The following OTP variants were observed in gnomAD, a reference collection of about 807,000 sequenced individuals.
The protein encoded by OTP is homeobox protein orthopedia.
OTP carries 5 observed loss-of-function variants against 22.3 expected under a neutral mutation model. The ratio of observed to expected loss-of-function variants is 0.22; its 90% CI spans 0.12 to 0.47. OTP has a LOEUF of 0.47. Ranked by LOEUF, OTP falls within the 20% of genes least tolerant of loss-of-function variation. The pLI is 0.99. For synonymous variants in OTP, 229 were observed against 210.6 expected (o/e 1.09, Z -0.76); for missense variants, 428 against 456.2 (o/e 0.94, Z 0.56).
chr5:77,631,140 A>T (rs1744923329), intron 2 of OTP, among the ~76,000 whole-genome samples: 1 of 152,262 alleles, frequency 6.6e-6, no homozygotes, highest in South Asian at 2.1e-4. Flanking sequence ...GCAGTCAGGC[A>T]TGTGTCAAAG....
chr5:77,632,832 GGT>G (rs1744951604), intron 2 of OTP, among the ~76,000 whole-genome samples: 1 of 152,148 alleles, frequency 6.6e-6, no homozygotes, highest in African/African-American at 2.4e-5. Flanking sequence ...GGCTCTAGAT[GGT>G]GAGTGGGATC....
Position 77,637,236 on chromosome 5 carries a change from G to A in OTP, c.38-6C>T. 3.4e-6 allele frequency: 5 copies of A among 1,483,376 alleles called. No homozygotes were observed. Among genetic ancestry groups the A allele is most frequent in the Non-Finnish European group, 4.5e-6 (5 of 1,117,542 alleles). 91.9% of individuals were successfully genotyped at this position (1,483,376 alleles called of 1,614,324 possible). ...CTCGGCGGCATCTTTCATACCTGAGGAGGCAAGGGGATCGCGGTCACTACT... is the reference window on the plus strand; with the variant it reads ...CTCGGCGGCATCTTTCATACCTGAGAAGGCAAGGGGATCGCGGTCACTACT... On this transcript the variant is annotated splice_polypyrimidine_tract_variant and splice_region_variant and intron_variant, in intron 1 of 2. Coordinates refer to ENST00000306422, the MANE Select transcript of OTP (RefSeq NM_032109.3).
chr5:77,635,475 A>T (rs1744992828), intron 2 of OTP, among the ~76,000 whole-genome samples: 1 of 152,210 alleles, frequency 6.6e-6, no homozygotes, highest in African/African-American at 2.4e-5. Flanking sequence ...ATATTGTATA[A>T]AAATGCTAAT....
At chr5:77,630,859 G>C in intron 2 of OTP, 65 bp from the exon 3 acceptor site, 2 of 1,449,352 alleles carry the variant, frequency 1.4e-6, no homozygotes, top group South Asian at 1.4e-5. Flanking sequence ...GGGGAGTTGG[G>C]GCTTGAGCCC....
In OTP at chr5:77,636,957, T is replaced by G; in HGVS notation, c.311A>C (p.Gln104Pro). Residue 104 changes from glutamine to proline, a missense_variant, in exon 2 of 3, where the codon CAG (glutamine) becomes CCG (proline). Coordinates refer to ENST00000306422, the MANE Select transcript of OTP (RefSeq NM_032109.3). ...QAGQQQGQQKQKRHRTRFTPA... is the reference protein window; with the variant it reads ...QAGQQQGQQKPKRHRTRFTPA... ...GGTGAAGCGCGTCCGGTGGCGCTTC[T>G]GCTTCTGTTGGCCCTGCTGCTGGCC... The G allele has an allele frequency of 1.9e-6, 3 of 1,614,172 alleles. No homozygotes were observed. The highest frequency in any genetic ancestry group is 1.1e-5 in the South Asian group (1 of 91,086).
chr5:77,631,013 C>T (rs1744920970), intron 2 of OTP, among the ~76,000 whole-genome samples: 1 of 152,250 alleles, frequency 6.6e-6, no homozygotes, highest in Admixed American at 6.5e-5. Context: ...AGCGCGGAGT[C>T]CTGCGCTCCT....
chr5:77,630,414 C>A lies in OTP; in HGVS notation c.828G>T (p.Met276Ile). The A allele has an allele frequency of 6.3e-7, 1 of 1,582,096 alleles. No homozygotes were observed. The highest frequency in any genetic ancestry group is 8.6e-7 in the Non-Finnish European group (1 of 1,166,576). Residue 276 changes from methionine to isoleucine, a missense_variant, in exon 3 of 3, where the codon ATG (methionine) becomes ATT (isoleucine). By Grantham distance (10) the Met-to-Ile change is conservative. Coordinates refer to ENST00000306422, the MANE Select transcript of OTP (RefSeq NM_032109.3). ...TGGGGCCGGGGAGGGAGGCGGGCAC[C>A]ATGCCGGGGAAGGCGGGCTGGTAGA... ...SHLYQPAFPG[M>I]VPASLPGPSN...
At chr5:77,636,558 A>C in intron 2 of OTP, 1 of 406,582 alleles carries the variant, frequency 2.5e-6, no homozygotes, top group Non-Finnish European at 4.4e-6. Context: ...CGAACCCTGT[A>C]GCCCGACAAC....
intron 2 of OTP, chr5:77,636,184 G>A (rs1745004261): frequency 6.6e-6 from 1 of 152,098 alleles, no homozygotes; most frequent in Admixed American, 6.5e-5. Flanking sequence ...AACAAAACGG[G>A]GCTCACCGGC....
At position 77,629,336 on chromosome 5, in the gene OTP, T is replaced by G. The variant is rs1744879957; in HGVS notation, c.*928A>C. 1 of 152,220 alleles carries G rather than the reference T, an allele frequency of 6.6e-6. No individual in the cohort carries two copies. Among genetic ancestry groups the G allele is most frequent in the Non-Finnish European group, 1.5e-5 (1 of 68,060 alleles). 9.4% of individuals were successfully genotyped at this position (152,220 alleles called of 1,614,324 possible). On this transcript the variant is annotated 3_prime_UTR_variant, in exon 3 of 3. Transcript: ENST00000306422. Reference sequence around the variant, plus strand: ...ACCCAATCCACTGTCACGTTCCTCCTGAGAAGCCTTCCCTTCTACACTCTC... The same window carrying G: ...ACCCAATCCACTGTCACGTTCCTCCGGAGAAGCCTTCCCTTCTACACTCTC...
intron 2 of OTP, among the ~76,000 whole-genome samples, chr5:77,631,700 G>T (rs1201034805): frequency 6.6e-6 from 1 of 151,838 alleles, no homozygotes; most frequent in Non-Finnish European, 1.5e-5. Flanking sequence ...GAGTAGCTAG[G>T]ATTACAGAAA....
chr5:77,630,645 C>T lies in OTP; in HGVS notation c.597G>A (p.Leu199=), dbSNP rs1346243108. The T allele has an allele frequency of 4.4e-5, 70 of 1,573,322 alleles. No homozygotes were observed. The highest frequency in any genetic ancestry group is 1.7e-4 in the Middle Eastern group (1 of 6,020). The change falls in exon 3 of 3, where the codon CTG becomes CTA. Residue 199 remains leucine (L), a synonymous_variant. Transcript: ENST00000306422. The part of the protein sequence containing the change: ...AAAAAAMGDS[L]CSFHANDTRW... ...GGGTGTCGTTGGCGTGGAAAGAGCA[C>T]AGGCTGTCGCCCATGGCGGCGGCAG... is the stretch of plus-strand genomic sequence containing the variant.
chr5:77,630,165 G>A lies in OTP; in HGVS notation c.*99C>T. On this transcript the variant is annotated 3_prime_UTR_variant, in exon 3 of 3. Transcript: ENST00000306422. ...ACGAGACGGGGCGAAGGCCGGGGCG[G>A]GACGGGGCAGGGCGCCGGGGTCCGG... 4.4e-6 allele frequency: 3 copies of A among 676,774 alleles called. No individual in the cohort carries two copies. The highest frequency in any genetic ancestry group is 6.1e-6 in the Non-Finnish European group (3 of 492,462). The allele number at this position is 676,774 out of a possible 1,614,324, so 41.9% of individuals were successfully genotyped here. A position where few individuals can be genotyped will look rare whatever the true frequency, so the allele number is the denominator to read the frequency against.
At chr5:77,634,873 T>A (rs1046638927) in intron 2 of OTP, among the ~76,000 whole-genome samples, 1 of 152,216 alleles carries the variant, frequency 6.6e-6, no homozygotes, top group African/African-American at 2.4e-5. Flanking sequence ...TGCTTGAACA[T>A]TATGCTGGAA....
intron 1 of OTP, 128 bp downstream of exon 1, chr5:77,638,384 CT>C: frequency 1.1e-6 from 1 of 910,716 alleles, no homozygotes; most frequent in South Asian, 1.5e-5. Context: ...TCAAATTAAA[CT>C]TTAATGCAGC....
At chr5:77,633,688 A>G (rs561684764) in intron 2 of OTP, among the ~76,000 whole-genome samples, 1 of 152,376 alleles carries the variant, frequency 6.6e-6, no homozygotes, top group South Asian at 2.1e-4. Context: ...CATACTGTAA[A>G]TGTATTTTAA....
At chr5:77,637,322 G>T (rs1745026086) in intron 1 of OTP, 92 bp from the exon 2 acceptor site, 2 of 1,370,890 alleles carry the variant, frequency 1.5e-6, no homozygotes, top group Non-Finnish European at 1.9e-6. Flanking sequence ...CCCGTCCTCG[G>T]CCCCCTCCGC....
intron 2 of OTP, among the ~76,000 whole-genome samples, chr5:77,633,036 T>C (rs562478770): frequency 1.3e-5 from 2 of 152,304 alleles, no homozygotes; most frequent in East Asian, 3.9e-4. Flanking sequence ...ACCGGGATTA[T>C]GTTTTGAAAG....
At chr5:77,636,620 G>T (rs542238304) in intron 2 of OTP, 1 of 561,132 alleles carries the variant, frequency 1.8e-6, no homozygotes, top group South Asian at 2.4e-5. Context: ...ATACTGGCCG[G>T]AGACGGGCCT....
Sources: allele counts gnomAD v4.1 joint callset (sites outside exome capture counted in the v4.1 genomes callset), GRCh38; gene constraint gnomAD v4.1.1; transcripts MANE v1.5; gene names NCBI Gene and HGNC (gene_info 2026-07-23, HGNC 2026-07-21).